The following CSTF2 variants were observed in gnomAD, a reference collection of about 807,000 sequenced individuals.
CSTF2 encodes the protein cleavage stimulation factor subunit 2.
A neutral mutation model predicts 45.4 loss-of-function variants in CSTF2; 8 were observed. The ratio of observed to expected loss-of-function variants is 0.18; its 90% CI spans 0.10 to 0.32. The LOEUF is 0.32. CSTF2 is among the 10% of genes least tolerant of loss of function. The pLI, the probability that CSTF2 is intolerant of heterozygous loss-of-function variation, is 1.00. For missense variants in CSTF2, 253 were observed against 477.1 expected (o/e 0.53, Z 4.38); for synonymous variants, 155 against 158.9 (o/e 0.98, Z 0.18).
chrX:100,830,374 T>C (rs763432730), intron 8 of CSTF2, among the ~76,000 whole-genome samples: 3 of 112,595 alleles, frequency 2.7e-5, no homozygotes, highest in Non-Finnish European at 5.6e-5. Flanking sequence ...TCAGAATGAA[T>C]CTTGCCTTCC....
At chrX:100,826,519 A>T (rs1026914032) in intron 6 of CSTF2, 115 bp from the exon 7 acceptor site, 10 of 647,232 alleles carry the variant, frequency 1.5e-5, no homozygotes, top group Non-Finnish European at 2.4e-5. Context: ...TACAAAAAGG[A>T]TGTTTAGTAG....
At chrX:100,821,083 G>A (rs2084915770) in intron 1 of CSTF2, among the ~76,000 whole-genome samples, 1 of 112,613 alleles carries the variant, frequency 8.9e-6, no homozygotes, top group Non-Finnish European at 1.9e-5. Flanking sequence ...CCATTTGAAA[G>A]GGACATGACA....
intron 11 of CSTF2, among the ~76,000 whole-genome samples, chrX:100,835,927 C>T (rs2085005598): frequency 9.0e-6 from 1 of 111,047 alleles, no homozygotes; most frequent in African/African-American, 3.3e-5. Context: ...ACTCATGTGA[C>T]CAAACACCAC....
At chrX:100,830,919 C>T (rs1424755136) in intron 8 of CSTF2, 65 of 987,586 alleles carry the variant, frequency 6.6e-5, no homozygotes, top group Non-Finnish European at 8.8e-5. Flanking sequence ...CAGGGTGGGA[C>T]GTTGAGAGGA....
Position 100,833,214 on chromosome X carries a change from G to C in CSTF2, c.1242G>C (p.Gly414=), listed in dbSNP as rs1233047765. Residue 414 remains glycine (G), a synonymous_variant, in exon 11 of 14, where the codon GGG becomes GGC. Coordinates refer to ENST00000372972, the MANE Select transcript of CSTF2 (RefSeq NM_001325.3). ...ATCCCCGAGGAATAGATGCACGAGG[G>C]ATGGAGGCCCGAGCCATGGAGGCAA... ...GRDPRGIDAR[G]MEARAMEARG... is the part of the protein sequence containing the mutation. The C allele has an allele frequency of 8.3e-7, 1 of 1,211,255 alleles. No homozygotes were observed. Among genetic ancestry groups the C allele is most frequent in the South Asian group, 1.8e-5 (1 of 56,799 alleles).
At chrX:100,833,618 C>CT (rs1168883404) in intron 11 of CSTF2, 146 bp downstream of exon 11, 5 of 567,616 alleles carry the variant, frequency 8.8e-6, no homozygotes, top group Non-Finnish European at 1.4e-5. Context: ...TGTAGCTTCT[C>CT]TGTCCCTTAG....
chrX:100,820,633 T>G (rs1251807136), intron 1 of CSTF2, 159 bp downstream of exon 1: 2 of 572,339 alleles, frequency 3.5e-6, no homozygotes, highest in Non-Finnish European at 6.1e-6. Flanking sequence ...CAAAGAGATA[T>G]TCCCATTCTG....
intron 4 of CSTF2, 21 bp from the exon 5 acceptor site, chrX:100,823,865 T>C (rs770384471): frequency 3.3e-6 from 4 of 1,206,337 alleles, no homozygotes; most frequent in Non-Finnish European, 4.5e-6. Context: ...GTATTAAACC[T>C]GAATCTGCTT....
At chrX:100,822,178 A>G in intron 2 of CSTF2, 73 bp from the exon 3 acceptor site, 1 of 840,895 alleles carries the variant, frequency 1.2e-6, no homozygotes. Context: ...GGGCCCAATT[A>G]AAGCATGGCA....
chrX:100,825,235 G>C (rs1022541901), intron 6 of CSTF2, among the ~76,000 whole-genome samples: 1 of 111,431 alleles, frequency 9.0e-6, no homozygotes, highest in Non-Finnish European at 1.9e-5. Context: ...CAGGCCATTG[G>C]TTTATTTTAT....
intron 9 of CSTF2, among the ~76,000 whole-genome samples, chrX:100,831,865 T>G (rs903257786): frequency 1.8e-5 from 2 of 112,371 alleles, no homozygotes; most frequent in Non-Finnish European, 3.8e-5. Context: ...TTTTAGAAAT[T>G]GGAAATTTTA....
intron 6 of CSTF2, among the ~76,000 whole-genome samples, chrX:100,824,471 C>T (rs1357122325): frequency 2.7e-5 from 3 of 111,859 alleles, no homozygotes; most frequent in Non-Finnish European, 1.9e-5. Flanking sequence ...TCCCGTATGC[C>T]CTTTTCTTAT....
chrX:100,837,459 A>G lies in CSTF2; in HGVS notation c.1611+10A>G. The G allele has an allele frequency of 2.8e-6, 3 of 1,075,000 alleles. No individual in the cohort carries two copies. The highest frequency in any genetic ancestry group is 3.9e-6 in the Non-Finnish European group (3 of 775,220). 88.6% of individuals were successfully genotyped at this position (1,075,000 alleles called of 1,213,427 possible). A position where few individuals can be genotyped will look rare whatever the true frequency, so the allele number is the denominator to read the frequency against. On this transcript the variant is annotated intron_variant, in intron 12 of 13. Coordinates refer to ENST00000372972, the MANE Select transcript of CSTF2 (RefSeq NM_001325.3). ...ACAGGATCATGAGAAGGTAAGCAAC[A>G]CTGTCTGACTGCCTCCTTATGCACA...
At chrX:100,830,603 A>G (rs2084969303) in intron 8 of CSTF2, among the ~76,000 whole-genome samples, 1 of 111,724 alleles carries the variant, frequency 9.0e-6, no homozygotes, top group Non-Finnish European at 1.9e-5. Context: ...TTCAAAAGCT[A>G]TCTGGTCAAA....
intron 7 of CSTF2, among the ~76,000 whole-genome samples, chrX:100,827,744 A>C (rs1489700309): frequency 8.9e-6 from 1 of 112,281 alleles, no homozygotes; most frequent in African/African-American, 3.2e-5. Context: ...CAGGAGGTCC[A>C]TGGGTAAGTG....
intron 6 of CSTF2, among the ~76,000 whole-genome samples, chrX:100,825,654 T>C (rs2084940056): frequency 9.0e-6 from 1 of 111,684 alleles, no homozygotes; most frequent in African/African-American, 3.3e-5. Context: ...GCCATGGTAG[T>C]ATGAAATCAG....
chrX:100,823,128 C>T (rs1448253741), intron 3 of CSTF2, among the ~76,000 whole-genome samples, 164 bp from the exon 4 acceptor site: 1 of 113,083 alleles, frequency 8.8e-6, no homozygotes, highest in African/African-American at 3.2e-5. Context: ...TACACTCTCA[C>T]TTTCCTCCAC....
intron 11 of CSTF2, among the ~76,000 whole-genome samples, chrX:100,834,118 C>T (rs1012560069): frequency 1.8e-5 from 2 of 111,742 alleles, no homozygotes; most frequent in Non-Finnish European, 3.8e-5. Flanking sequence ...TACATGCTCC[C>T]TCTTCATCTC....
At position 100,821,751 on chromosome X, in the gene CSTF2, A is replaced by G; in HGVS notation, c.137+146A>G. On this transcript the variant is annotated intron_variant, in intron 2 of 13. Transcript: ENST00000372972. ...AGCTTTATTGAGATATAATTGATACACTATACAATTGACATTTATTCTTAC... is the reference window on the plus strand; with the variant it reads ...AGCTTTATTGAGATATAATTGATACGCTATACAATTGACATTTATTCTTAC... 6.8e-6 allele frequency: 3 copies of G among 444,130 alleles called. No individual in the cohort carries two copies. In the South Asian group the frequency reaches 1.3e-4, roughly 19 times the overall value. 36.6% of individuals were successfully genotyped at this position (444,130 alleles called of 1,213,427 possible).
Sources: allele counts gnomAD v4.1 joint callset (sites outside exome capture counted in the v4.1 genomes callset), GRCh38; gene constraint gnomAD v4.1.1; transcripts MANE v1.5; gene names NCBI Gene and HGNC (gene_info 2026-07-23, HGNC 2026-07-21).